The following PAM variants were observed in gnomAD, a reference collection of about 807,000 sequenced individuals.
PAM encodes the protein peptidyl-glycine alpha-amidating monooxygenase.
Under a neutral mutation model 122.1 loss-of-function variants are expected in PAM, and 72 were observed. The ratio of observed to expected loss-of-function variants is 0.59; its 90% CI spans 0.49 to 0.72. The LOEUF (loss-of-function observed/expected upper bound fraction) is 0.72, where lower values mean the gene tolerates loss of function less well. PAM is among the 30% of genes least tolerant of loss of function. PAM has a pLI of 0.00. For missense variants in PAM, 1,106 were observed against 1,183.7 expected (o/e 0.93, Z 0.96); for synonymous variants, 389 against 404.4 (o/e 0.96, Z 0.46).
chr5:102,849,483 G>A (rs565547207), intron 1 of PAM, among the ~76,000 whole-genome samples: 6 of 151,182 alleles, frequency 4.0e-5, no homozygotes, highest in Non-Finnish European at 8.8e-5. Flanking sequence ...GCTTGAACCC[G>A]GGAGGCGGAG....
chr5:102,951,697 C>A (rs961589798), intron 12 of PAM, among the ~76,000 whole-genome samples: 3 of 152,004 alleles, frequency 2.0e-5, no homozygotes, highest in Non-Finnish European at 2.9e-5. Flanking sequence ...AAAGCAGGAG[C>A]ATTTGATATA....
At chr5:102,984,760 C>A (rs998350718) in intron 15 of PAM, among the ~76,000 whole-genome samples, 1 of 152,150 alleles carries the variant, frequency 6.6e-6, no homozygotes, top group Non-Finnish European at 1.5e-5. Flanking sequence ...AACATTTTAT[C>A]TAACAGCTGG....
At chr5:102,768,599 T>C (rs1206270817) in intron 1 of PAM, among the ~76,000 whole-genome samples, 1 of 152,176 alleles carries the variant, frequency 6.6e-6, no homozygotes, top group Non-Finnish European at 1.5e-5. Context: ...AGTTTGTCTT[T>C]CTGTGCCTGG....
intron 4 of PAM, among the ~76,000 whole-genome samples, chr5:102,911,472 TAAAATGTATGTCAGGAA>T (rs573687762): frequency 6.6e-6 from 1 of 152,048 alleles, no homozygotes; most frequent in African/African-American, 2.4e-5. Context: ...AAGTGGTACT[TAAAATGTATGTCAGGAA>T]AAAATGTATG....
chr5:102,990,176 T>C, intron 15 of PAM, 96 bp from the exon 16 acceptor site: 1 of 823,854 alleles, frequency 1.2e-6, no homozygotes, highest in African/African-American at 1.7e-5. Context: ...TTGCATCTAG[T>C]GATGTTATTG....
At chr5:102,762,899 C>G (rs1250202468) in intron 1 of PAM, among the ~76,000 whole-genome samples, 3 of 152,164 alleles carry the variant, frequency 2.0e-5, no homozygotes, top group African/African-American at 7.2e-5. Context: ...TTCCAGGGAA[C>G]TAAGGACTTT....
intron 1 of PAM, among the ~76,000 whole-genome samples, chr5:102,825,569 G>C (rs1293958661): frequency 2.6e-5 from 4 of 152,170 alleles, no homozygotes; most frequent in African/African-American, 9.7e-5. Context: ...CCAGGAGTAT[G>C]GGTTGTGTGA....
At chr5:102,927,143 T>A (rs542751299) in intron 7 of PAM, among the ~76,000 whole-genome samples, 2 of 152,080 alleles carry the variant, frequency 1.3e-5, no homozygotes, top group Non-Finnish European at 2.9e-5. Context: ...AACTCATCCA[T>A]TGTCCACTGC....
At chr5:102,993,505 A>G (rs1057028283) in intron 16 of PAM, among the ~76,000 whole-genome samples, 2 of 152,094 alleles carry the variant, frequency 1.3e-5, no homozygotes, top group Admixed American at 6.6e-5. Context: ...TAGAAGTTGT[A>G]TTTCTTATTT....
rs1025927932 is a variant in PAM at position 103,029,266 on chromosome 5, T to C, written c.*201T>C. The C allele has an allele frequency of 2.2e-5, 9 of 418,506 alleles. No homozygotes were observed. The highest frequency in any genetic ancestry group is 1.8e-4 in the African/African-American group (9 of 48,790). The allele number at this position is 418,506 out of a possible 1,614,324, so 25.9% of individuals were successfully genotyped here. A position where few individuals can be genotyped will look rare whatever the true frequency, so the allele number is the denominator to read the frequency against. On this transcript the variant is annotated 3_prime_UTR_variant, in exon 26 of 26. Coordinates refer to ENST00000438793, the MANE Select transcript of PAM (RefSeq NM_001177306.2). ...TTCCTAAAAGTTCATAACAGTGCCA[T>C]TGTCTTTATATGAACATAGACTAGA...
intron 1 of PAM, among the ~76,000 whole-genome samples, chr5:102,793,116 C>T (rs73183197): frequency 0.014 from 2,180 of 152,078 alleles, 47 homozygotes; most frequent in African/African-American, 0.05. Flanking sequence ...GGTAAGATAC[C>T]TTCTCTGAAT....
At chr5:102,997,907 C>T (rs1776210511) in intron 16 of PAM, among the ~76,000 whole-genome samples, 1 of 152,194 alleles carries the variant, frequency 6.6e-6, no homozygotes, top group South Asian at 2.1e-4. Context: ...CTGACTGGCA[C>T]AAGGACTGTG....
chr5:102,965,126 A>C (rs1763665624), intron 14 of PAM, among the ~76,000 whole-genome samples: 1 of 151,024 alleles, frequency 6.6e-6, no homozygotes, highest in Non-Finnish European at 1.5e-5. Flanking sequence ...GAGACTATAT[A>C]GAATGAGGAA....
At chr5:102,942,786 G>T (rs1160048489) in intron 7 of PAM, among the ~76,000 whole-genome samples, 35 of 145,966 alleles carry the variant, frequency 2.4e-4, no homozygotes, top group Admixed American at 2.2e-3. Context: ...GCCCAGGCTG[G>T]TCTCAAACTC....
intron 1 of PAM, among the ~76,000 whole-genome samples, chr5:102,810,337 G>A (rs778103690): frequency 6.6e-6 from 1 of 152,154 alleles, no homozygotes; most frequent in Non-Finnish European, 1.5e-5. Context: ...GTAGTTCCAA[G>A]TAGTTTTAGG....
intron 1 of PAM, among the ~76,000 whole-genome samples, chr5:102,801,117 G>A (rs1764603181): frequency 6.6e-6 from 1 of 152,090 alleles, no homozygotes; most frequent in Non-Finnish European, 1.5e-5. Context: ...CTTGCTTACT[G>A]TAACAAGTTA....
At chr5:103,013,122 G>T (rs1397556608) in intron 21 of PAM, among the ~76,000 whole-genome samples, 1 of 151,884 alleles carries the variant, frequency 6.6e-6, no homozygotes, top group Non-Finnish European at 1.5e-5. Flanking sequence ...TTGATATTTG[G>T]ATAGTGATTG....
intron 1 of PAM, among the ~76,000 whole-genome samples, chr5:102,764,093 G>A (rs1380654822): frequency 1.3e-5 from 2 of 151,978 alleles, no homozygotes; most frequent in Non-Finnish European, 2.9e-5. Flanking sequence ...ATTGAACTCG[G>A]GAATAAGTTG....
chr5:102,836,644 T>A (rs887571825), intron 1 of PAM, among the ~76,000 whole-genome samples: 2 of 152,090 alleles, frequency 1.3e-5, no homozygotes, highest in Non-Finnish European at 2.9e-5. Context: ...CTCCTTTTTT[T>A]AGGTGAACTA....
Sources: gnomAD v4.1 joint callset for allele counts (sites outside exome capture counted in the v4.1 genomes callset) on GRCh38, gnomAD v4.1.1 for gene constraint, MANE v1.5 for transcripts, NCBI Gene and HGNC (gene_info 2026-07-23, HGNC 2026-07-21) for gene names.